The following DAPL1 variants were observed in gnomAD, a reference collection of about 807,000 sequenced individuals.
The protein encoded by DAPL1 is death associated protein like 1, also known as death-associated protein-like 1.
A neutral mutation model predicts 12.9 loss-of-function variants in DAPL1; 17 were observed. That is an observed-to-expected ratio of 1.32 (90% CI 0.90 to 1.98). The LOEUF (loss-of-function observed/expected upper bound fraction) is 1.98. Ranked by LOEUF, DAPL1 falls within the 30% of genes most tolerant of loss-of-function variation. The pLI, the probability that DAPL1 is intolerant of heterozygous loss-of-function variation, is 0.00. For synonymous variants in DAPL1, 51 were observed against 42.0 expected (o/e 1.21, Z -0.82); for missense variants, 157 against 125.7 (o/e 1.25, Z -1.19).
chr2:158,811,570 G>A (rs2059230539), intron 3 of DAPL1, among the ~76,000 whole-genome samples: 1 of 152,178 alleles, frequency 6.6e-6, no homozygotes, highest in African/African-American at 2.4e-5. Context: ...TATAGGTTCT[G>A]AGGTCGCAGC....
rs566026882 is a variant in DAPL1, at chr2:158,801,133, G to A, written c.59-3149G>A. On this transcript the variant is annotated intron_variant, in intron 1 of 3. Transcript: ENST00000309950. Reference sequence around the variant, plus strand: ...GCTGGGATTACAGGTGTGAGCCATCGCGCCCAGCCAGTTCTTCTCATCTTT... The same window carrying A: ...GCTGGGATTACAGGTGTGAGCCATCACGCCCAGCCAGTTCTTCTCATCTTT... Among the ~76,000 whole-genome samples, 27 of 152,282 alleles carry A rather than the reference G, an allele frequency of 1.8e-4. 2 individuals are homozygous for A. The South Asian group carries it at 1.9e-3, about 11-fold the overall frequency.
intron 2 of DAPL1, among the ~76,000 whole-genome samples, chr2:158,806,790 C>T (rs2059204181): frequency 6.6e-6 from 1 of 151,360 alleles, no homozygotes; most frequent in Non-Finnish European, 1.5e-5. Context: ...GAGCCGAGAT[C>T]ATACCATTGC....
chr2:158,815,742 A>ACCTT lies in DAPL1; in HGVS notation c.245_246insCCTT (p.Gln83LeufsTer46), dbSNP rs1433110222. ...TTTCCAGCAACAGTGCACATGGCGC[A>ACCTT]TCAAAAACCCACACCTGCTCTGGAA... On this transcript the variant is annotated frameshift_variant, in exon 4 of 4. Transcript: ENST00000309950. LOFTEE classifies it high-confidence loss of function. 3 of 1,613,934 alleles carry ACCTT rather than the reference A, an allele frequency of 1.9e-6. No homozygotes were observed. Among genetic ancestry groups the ACCTT allele is most frequent in the Non-Finnish European group, 2.5e-6 (3 of 1,179,942 alleles).
chr2:158,809,443 G>A (rs2059218887), intron 3 of DAPL1, among the ~76,000 whole-genome samples: 1 of 151,986 alleles, frequency 6.6e-6, no homozygotes, highest in Non-Finnish European at 1.5e-5. Flanking sequence ...TAGTGGAGTA[G>A]GACTGTGGCT....
intron 1 of DAPL1, among the ~76,000 whole-genome samples, chr2:158,803,014 T>C (rs980167082): frequency 6.6e-6 from 1 of 152,298 alleles, no homozygotes; most frequent in African/African-American, 2.4e-5. Context: ...TATAGAGATA[T>C]AGATGTAGAT....
chr2:158,807,252 T>C (rs2059208055), intron 3 of DAPL1, 137 bp downstream of exon 3: 1 of 511,072 alleles, frequency 2.0e-6, no homozygotes. Flanking sequence ...ATTTGTTCTC[T>C]GTCAGAGGAA....
Position 158,815,968 on chromosome 2 carries a change from A to G in DAPL1, c.*147A>G, listed in dbSNP as rs958394143. ...CTTCCCCTTTGACTTTAGGTAATAA[A>G]GCATCCAAACTTGTAAATCTGACAC... is the stretch of plus-strand genomic sequence containing the variant. On this transcript the variant is annotated 3_prime_UTR_variant, in exon 4 of 4. Coordinates refer to ENST00000309950, the MANE Select transcript of DAPL1 (RefSeq NM_001017920.3). 1.6e-6 allele frequency: 1 copy of G among 632,356 alleles called. No individual in the cohort carries two copies. Among genetic ancestry groups the G allele is most frequent in the Admixed American group, 2.6e-5 (1 of 37,990 alleles). The allele number at this position is 632,356 out of a possible 1,614,324, so 39.2% of individuals were successfully genotyped here. A position where few individuals can be genotyped will look rare whatever the true frequency, so the allele number is the denominator to read the frequency against.
intron 3 of DAPL1, among the ~76,000 whole-genome samples, chr2:158,810,556 T>C (rs1024083884): frequency 6.6e-6 from 1 of 152,234 alleles, no homozygotes; most frequent in Non-Finnish European, 1.5e-5. Flanking sequence ...ACATGGGGTT[T>C]AAGATTTTGG....
intron 2 of DAPL1, among the ~76,000 whole-genome samples, chr2:158,804,870 G>A (rs528921008): frequency 1.3e-5 from 2 of 152,264 alleles, no homozygotes; most frequent in South Asian, 4.2e-4. Flanking sequence ...CATAGGTACC[G>A]AGCAGCCTCC....
intron 3 of DAPL1, among the ~76,000 whole-genome samples, chr2:158,813,595 G>A (rs548053805): frequency 3.7e-5 from 5 of 136,414 alleles, no homozygotes; most frequent in African/African-American, 8.4e-5. Context: ...TTGCTCTGTC[G>A]CCCAGGCTGG....
chr2:158,815,605 G>T, intron 3 of DAPL1, 100 bp from the exon 4 acceptor site: 2 of 790,898 alleles, frequency 2.5e-6, no homozygotes. Context: ...AAACAAAATT[G>T]TGAGATTCCC....
intron 1 of DAPL1, among the ~76,000 whole-genome samples, chr2:158,798,624 C>T (rs557873655): frequency 1.3e-5 from 2 of 152,098 alleles, no homozygotes; most frequent in South Asian, 2.1e-4. Context: ...AGGGACTTGC[C>T]GAAAGCCACA....
chr2:158,796,730 CAT>C (rs2059136617), intron 1 of DAPL1, among the ~76,000 whole-genome samples: 2 of 152,150 alleles, frequency 1.3e-5, no homozygotes, highest in African/African-American at 4.8e-5. Context: ...AGAACACAGA[CAT>C]AAACTTAACC....
At chr2:158,801,450 G>A (rs1575225420) in intron 1 of DAPL1, among the ~76,000 whole-genome samples, 2 of 152,138 alleles carry the variant, frequency 1.3e-5, no homozygotes, top group Non-Finnish European at 2.9e-5. Flanking sequence ...TTGGGAAAAA[G>A]CCCATCCCTT....
chr2:158,804,278 G>A lies in DAPL1; in HGVS notation c.59-4G>A. On this transcript the variant is annotated splice_polypyrimidine_tract_variant and splice_region_variant and intron_variant, in intron 1 of 3. Transcript: ENST00000309950. The stretch of plus-strand genomic sequence containing the variant: ...CTTCCATGCTGATTTTTATCTGTTT[G>A]TAGTAAAAGCTGGAGGAATGAGAAT... The A allele has an allele frequency of 3.1e-6, 5 of 1,600,418 alleles. No individual in the cohort carries two copies. The highest frequency in any genetic ancestry group is 4.3e-6 in the Non-Finnish European group (5 of 1,170,804).
intron 3 of DAPL1, among the ~76,000 whole-genome samples, chr2:158,813,557 C>CT (rs11355982): frequency 0.1 from 13,761 of 132,740 alleles, 879 homozygotes; most frequent in Middle Eastern, 0.2. Context: ...TTTCCTTTTT[C>CT]TTTTTTTTTT....
At chr2:158,802,461 C>A (rs551123292) in intron 1 of DAPL1, among the ~76,000 whole-genome samples, 41 of 152,172 alleles carry the variant, frequency 2.7e-4, no homozygotes, top group Non-Finnish European at 5.1e-4. Context: ...CCTGCAAGAA[C>A]AAACTCTTAG....
intron 3 of DAPL1, among the ~76,000 whole-genome samples, chr2:158,813,017 G>GTATATA (rs34371228): frequency 6.6e-6 from 1 of 151,392 alleles, no homozygotes; most frequent in South Asian, 2.1e-4. Flanking sequence ...AAAAAACGTG[G>GTATATA]TATATATATA....
intron 2 of DAPL1, 116 bp downstream of exon 2, chr2:158,804,485 G>T: frequency 1.4e-6 from 1 of 693,230 alleles, no homozygotes; most frequent in Non-Finnish European, 2.4e-6. Context: ...CCAGAGAAGG[G>T]GGCAGGAGGG....
Sources: gnomAD v4.1 joint callset for allele counts (sites outside exome capture counted in the v4.1 genomes callset) on GRCh38, gnomAD v4.1.1 for gene constraint, MANE v1.5 for transcripts, NCBI Gene and HGNC (gene_info 2026-07-23, HGNC 2026-07-21) for gene names.